RMDN2: variants seen among roughly 807,000 people sequenced by gnomAD.
RMDN2 encodes the protein regulator of microtubule dynamics protein 2.
In RMDN2, 61 loss-of-function variants were observed where a neutral mutation model predicts 52.8. That is an observed-to-expected ratio of 1.16 (90% CI 0.94 to 1.43). The LOEUF (loss-of-function observed/expected upper bound fraction) is 1.43, where lower values mean the gene tolerates loss of function less well. RMDN2 is among the 40% of genes most tolerant of loss of function. RMDN2 has a pLI of 0.00. For missense variants in RMDN2, 592 were observed against 475.3 expected (o/e 1.25, Z -2.28); for synonymous variants, 180 against 153.1 (o/e 1.18, Z -1.30).
At chr2:37,929,790 A>C in intron 2 of RMDN2, 61 bp downstream of exon 2, 1 of 1,165,086 alleles carries the variant, frequency 8.6e-7, no homozygotes, top group Non-Finnish European at 1.2e-6. Context: ...ACTATTATTT[A>C]GGTATTTTCA....
At chr2:37,975,713 C>G (rs1672380539) in intron 4 of RMDN2, among the ~76,000 whole-genome samples, 2 of 152,084 alleles carry the variant, frequency 1.3e-5, no homozygotes, top group South Asian at 4.1e-4. Flanking sequence ...AAAAAAAGAT[C>G]TATAGTAAAT....
intron 10 of RMDN2, among the ~76,000 whole-genome samples, chr2:38,048,908 G>T (rs2125297547): frequency 6.6e-6 from 1 of 152,340 alleles, no homozygotes; most frequent in Middle Eastern, 3.4e-3. Flanking sequence ...GGCTTTAATT[G>T]ATTGACTAAC....
chr2:37,936,858 A>G (rs538767136), intron 2 of RMDN2, among the ~76,000 whole-genome samples: 8 of 152,270 alleles, frequency 5.3e-5, no homozygotes, highest in Admixed American at 2.6e-4. Flanking sequence ...GTTCACTCTG[A>G]TGATACTTTC....
intron 2 of RMDN2, among the ~76,000 whole-genome samples, chr2:37,941,267 G>A (rs1667761740): frequency 2.7e-5 from 1 of 36,918 alleles, no homozygotes; most frequent in Admixed American, 3.4e-4. Flanking sequence ...TCCTCTGGAA[G>A]CTTCATCCCA....
chr2:37,923,443 A>C (rs1402816273), upstream of RMDN2: 1 of 152,220 alleles, frequency 6.6e-6, no homozygotes, highest in Non-Finnish European at 1.5e-5. Flanking sequence ...GGGATGCAGC[A>C]GTGAACAACT....
At chr2:37,987,451 A>G (rs757676037) in intron 5 of RMDN2, among the ~76,000 whole-genome samples, 25 of 152,236 alleles carry the variant, frequency 1.6e-4, no homozygotes, top group Non-Finnish European at 2.8e-4. Context: ...AAGGCAATAT[A>G]CTATATGGTT....
At chr2:37,928,100 T>C (rs912978446) in intron 1 of RMDN2, among the ~76,000 whole-genome samples, 4 of 152,242 alleles carry the variant, frequency 2.6e-5, no homozygotes, top group African/African-American at 4.8e-5. Context: ...CACTAACACC[T>C]GAGGTAATTT....
chr2:37,975,659 C>A (rs1197548734), intron 4 of RMDN2, among the ~76,000 whole-genome samples: 1 of 151,800 alleles, frequency 6.6e-6, no homozygotes, highest in Non-Finnish European at 1.5e-5. Context: ...ATACCTATGA[C>A]CTGCATGTTT....
chr2:38,020,384 C>G (rs200564577), downstream of RMDN2, among the ~76,000 whole-genome samples: 4 of 152,232 alleles, frequency 2.6e-5, no homozygotes, highest in Non-Finnish European at 4.4e-5. Flanking sequence ...CTCTCTGCGC[C>G]TCCTCTGCCT....
At chr2:37,977,642 G>A (rs1254288903) in intron 4 of RMDN2, among the ~76,000 whole-genome samples, 2 of 152,022 alleles carry the variant, frequency 1.3e-5, no homozygotes, top group Non-Finnish European at 2.9e-5. Context: ...CCTCCCAGAC[G>A]GGGTGCCAGT....
downstream of RMDN2, chr2:38,017,812 C>A: frequency 4.3e-6 from 1 of 235,118 alleles, no homozygotes; most frequent in Non-Finnish European, 8.8e-6. Context: ...AAGGCTATTT[C>A]ATCTGGGTGC....
intron 2 of RMDN2, among the ~76,000 whole-genome samples, chr2:37,939,370 G>A (rs1667583890): frequency 1.3e-5 from 2 of 152,196 alleles, no homozygotes. Flanking sequence ...ATATTCTGTT[G>A]ATGTGTGGTG....
At chr2:37,993,664 A>T (rs1052130945) in intron 7 of RMDN2, among the ~76,000 whole-genome samples, 2 of 146,956 alleles carry the variant, frequency 1.4e-5, no homozygotes, top group Non-Finnish European at 3.0e-5. Flanking sequence ...TAGTCTGTAG[A>T]CCTTTGTTGG....
intron 10 of RMDN2, among the ~76,000 whole-genome samples, chr2:38,042,082 A>T (rs1008773000): frequency 6.6e-6 from 1 of 152,156 alleles, no homozygotes; most frequent in African/African-American, 2.4e-5. Flanking sequence ...GTCTGTTGCT[A>T]TCTGCTTTGG....
chr2:38,037,420 C>T (rs1388973687), intron 10 of RMDN2, among the ~76,000 whole-genome samples: 1 of 152,150 alleles, frequency 6.6e-6, no homozygotes, highest in Non-Finnish European at 1.5e-5. Context: ...TGACTATTCC[C>T]CTAAATTCTG....
chr2:37,947,214 GTCT>G (rs1468262192), intron 2 of RMDN2, among the ~76,000 whole-genome samples: 1 of 151,996 alleles, frequency 6.6e-6, no homozygotes, highest in Admixed American at 6.6e-5. Flanking sequence ...CTCCTGAGAA[GTCT>G]CCACTGTCTA....
chr2:37,938,470 G>A (rs1267522561), intron 2 of RMDN2, among the ~76,000 whole-genome samples: 1 of 152,196 alleles, frequency 6.6e-6, no homozygotes, highest in East Asian at 1.9e-4. Context: ...AGAAGGAATG[G>A]TACCGCTCCA....
At chr2:37,945,398 A>G (rs1185221334) in intron 2 of RMDN2, among the ~76,000 whole-genome samples, 1 of 152,172 alleles carries the variant, frequency 6.6e-6, no homozygotes, top group African/African-American at 2.4e-5. Flanking sequence ...ATGGATTCCA[A>G]TTTGGACACA....
intron 2 of RMDN2, among the ~76,000 whole-genome samples, chr2:37,967,992 A>G (rs2125048055): frequency 6.6e-6 from 1 of 152,280 alleles, no homozygotes; most frequent in East Asian, 1.9e-4. Context: ...TATGTTTTGT[A>G]TTTTTATCTT....
Sources: allele counts gnomAD v4.1 joint callset (sites outside exome capture counted in the v4.1 genomes callset), GRCh38; gene constraint gnomAD v4.1.1; transcripts MANE v1.5; gene names NCBI Gene and HGNC (gene_info 2026-07-23, HGNC 2026-07-21).